Variants in MAPRE2 observed in about 807,000 individuals in gnomAD.
MAPRE2 encodes microtubule associated protein RP/EB family member 2.
A neutral mutation model predicts 43.2 loss-of-function variants in MAPRE2; 13 were observed. The ratio of observed to expected loss-of-function variants is 0.30; its 90% CI spans 0.20 to 0.48. MAPRE2 has a LOEUF of 0.48. Ranked by LOEUF, MAPRE2 falls within the 20% of genes least tolerant of loss-of-function variation. The probability of loss-of-function intolerance (pLI) is 0.99; values close to 1 mark genes in which losing one functional copy is unlikely to be tolerated. For synonymous variants in MAPRE2, 135 were observed against 148.8 expected, an observed-to-expected ratio of 0.91 and a Z score of 0.68; for missense variants, 161 against 400.2, an observed-to-expected ratio of 0.40 and a Z score of 5.10.
chr18:35,134,096 G>C (rs1057025242), intron 6 of MAPRE2, among the ~76,000 whole-genome samples: 3 of 152,164 alleles, frequency 2.0e-5, no homozygotes, highest in Non-Finnish European at 4.4e-5. Context: ...GAGGTAGAAG[G>C]GTCTAGGACT....
At chr18:35,066,483 T>C (rs1452247368) in intron 1 of MAPRE2, among the ~76,000 whole-genome samples, 1 of 152,250 alleles carries the variant, frequency 6.6e-6, no homozygotes, top group Non-Finnish European at 1.5e-5. Context: ...GATTTTAGAA[T>C]GTATCCACCT....
chr18:35,053,742 T>G (rs1906072600), intron 1 of MAPRE2, among the ~76,000 whole-genome samples: 1 of 152,146 alleles, frequency 6.6e-6, no homozygotes, highest in South Asian at 2.1e-4. Flanking sequence ...TGATGAGAAC[T>G]AATGAACACA....
intron 2 of MAPRE2, among the ~76,000 whole-genome samples, chr18:35,096,485 T>C (rs572290503): frequency 2.6e-5 from 4 of 152,208 alleles, no homozygotes; most frequent in Non-Finnish European, 5.9e-5. Flanking sequence ...GGTCATGTTC[T>C]AAGAGCTCTT....
intron 1 of MAPRE2, among the ~76,000 whole-genome samples, chr18:34,985,224 A>T (rs1266354294): frequency 1.6e-5 from 1 of 61,256 alleles, no homozygotes; most frequent in African/African-American, 6.7e-5. Context: ...TAAAATATAT[A>T]ATATTATATA....
intron 2 of MAPRE2, among the ~76,000 whole-genome samples, chr18:35,008,672 A>G (rs985525667): frequency 1.3e-5 from 2 of 152,190 alleles, no homozygotes. Flanking sequence ...AAATTTTTAT[A>G]CAGATCTTGT....
At position 34,984,837 on chromosome 18, in the gene MAPRE2, T is replaced by C. The variant is rs1257407630; in HGVS notation, c.-70+7758T>C. 1.6e-5 allele frequency among the ~76,000 whole-genome samples: 2 copies of C among 125,876 alleles called. 1 individual carries two copies. The highest frequency in any genetic ancestry group is 6.0e-5 in the African/African-American group (2 of 33,186). The allele number at this position is 125,876 out of a possible 152,430, so 82.6% of individuals were successfully genotyped here. A position where few individuals can be genotyped will look rare whatever the true frequency, so the allele number is the denominator to read the frequency against. ...TACTAAAAATATAAATATATAATAT[T>C]TTATATGTTATATAACATATAAAAT... On this transcript the variant is annotated intron_variant, in intron 1 of 7. Transcript: ENST00000413393.
At chr18:34,993,215 C>T (rs2150575334) in intron 1 of MAPRE2, among the ~76,000 whole-genome samples, 1 of 151,850 alleles carries the variant, frequency 6.6e-6, no homozygotes, top group South Asian at 2.1e-4. Context: ...AGTGACCCTC[C>T]CAAGTAACTG....
At chr18:35,139,547 C>A (rs531301733) in intron 6 of MAPRE2, among the ~76,000 whole-genome samples, 1 of 152,278 alleles carries the variant, frequency 6.6e-6, no homozygotes, top group South Asian at 2.1e-4. Context: ...ATTCACCTAT[C>A]TGATTCTCAG....
At chr18:35,112,639 T>G (rs1909230671) in intron 4 of MAPRE2, among the ~76,000 whole-genome samples, 1 of 152,230 alleles carries the variant, frequency 6.6e-6, no homozygotes, top group South Asian at 2.1e-4. Context: ...ATGGCCCAAC[T>G]AATTAAATTA....
chr18:35,040,332 T>C (rs749389824), upstream of MAPRE2, among the ~76,000 whole-genome samples: 1 of 152,246 alleles, frequency 6.6e-6, no homozygotes, highest in Non-Finnish European at 1.5e-5. Flanking sequence ...AGTTATCTTT[T>C]CACAACAGTC....
intron 4 of MAPRE2, among the ~76,000 whole-genome samples, chr18:35,121,077 A>G (rs1226671697): frequency 6.6e-6 from 1 of 152,216 alleles, no homozygotes; most frequent in Non-Finnish European, 1.5e-5. Flanking sequence ...GGCAAAAGGA[A>G]TAATATGGCA....
intron 1 of MAPRE2, among the ~76,000 whole-genome samples, chr18:35,055,616 T>C (rs1232936991): frequency 6.6e-6 from 1 of 151,700 alleles, no homozygotes; most frequent in Non-Finnish European, 1.5e-5. Flanking sequence ...TAACTGTATG[T>C]GTGAAACACA....
At chr18:35,088,527 G>A (rs1907984920) in intron 2 of MAPRE2, among the ~76,000 whole-genome samples, 2 of 152,216 alleles carry the variant, frequency 1.3e-5, no homozygotes, top group African/African-American at 4.8e-5. Flanking sequence ...AGAGGGATGT[G>A]ATCTGAATAA....
chr18:35,012,443 AC>A (rs1252371358), intron 2 of MAPRE2, among the ~76,000 whole-genome samples: 1 of 152,170 alleles, frequency 6.6e-6, no homozygotes, highest in Admixed American at 6.5e-5. Flanking sequence ...AAGAGAGAGT[AC>A]ACCTATGTTC....
At chr18:34,986,900 G>A (rs192214498) in intron 1 of MAPRE2, among the ~76,000 whole-genome samples, 1 of 152,038 alleles carries the variant, frequency 6.6e-6, no homozygotes, top group East Asian at 1.9e-4. Flanking sequence ...TTTTATTTTT[G>A]CTAAATTCAG....
chr18:35,048,742 AAC>A (rs772498390), intron 1 of MAPRE2, among the ~76,000 whole-genome samples: 1 of 149,648 alleles, frequency 6.7e-6, no homozygotes, highest in South Asian at 2.1e-4. Flanking sequence ...TTAATACTAT[AAC>A]ACAATGGTGA....
chr18:35,006,141 A>G (rs1414984187), intron 2 of MAPRE2, among the ~76,000 whole-genome samples: 1 of 152,192 alleles, frequency 6.6e-6, no homozygotes, highest in African/African-American at 2.4e-5. Flanking sequence ...AGGAGCCCTT[A>G]GAACAAAGGA....
At chr18:34,978,428 G>A in intron 1 of MAPRE2, 1 of 1,201,238 alleles carries the variant, frequency 8.3e-7, no homozygotes, top group Non-Finnish European at 1.2e-6. Context: ...GGTGAAGTGT[G>A]CAGACCGGTT....
intron 1 of MAPRE2, among the ~76,000 whole-genome samples, chr18:35,068,910 T>C (rs1269360611): frequency 6.6e-6 from 1 of 152,222 alleles, no homozygotes; most frequent in East Asian, 1.9e-4. Flanking sequence ...TGGGCTGTTC[T>C]ATTGGTTTCT....
Sources: allele counts gnomAD v4.1 joint callset (sites outside exome capture counted in the v4.1 genomes callset), GRCh38; gene constraint gnomAD v4.1.1; transcripts MANE v1.5; gene names NCBI Gene and HGNC (gene_info 2026-07-23, HGNC 2026-07-21).